ZNF496: variants seen among roughly 807,000 people sequenced by gnomAD.
ZNF496 encodes zinc finger protein 496.
Under a neutral mutation model 58.9 loss-of-function variants are expected in ZNF496, and 11 were observed. The ratio of observed to expected loss-of-function variants is 0.19; its 90% CI spans 0.12 to 0.31. The LOEUF (loss-of-function observed/expected upper bound fraction) is 0.31, where lower values mean the gene tolerates loss of function less well. ZNF496 is among the 10% of genes least tolerant of loss of function. The pLI, the probability that ZNF496 is intolerant of heterozygous loss-of-function variation, is 1.00. For synonymous variants in ZNF496, 338 were observed against 318.2 expected, an observed-to-expected ratio of 1.06 and a Z score of -0.66; for missense variants, 660 against 783.0, an observed-to-expected ratio of 0.84 and a Z score of 1.88.
chr1:247,322,885 C>T, intron 6 of ZNF496: 2 of 955,898 alleles, frequency 2.1e-6, no homozygotes, highest in East Asian at 3.5e-5. Flanking sequence ...TCAATGGGGA[C>T]TCATGGGCCT....
At position 247,328,683 on chromosome 1, in the gene ZNF496, C is replaced by T; in HGVS notation, c.574G>A (p.Val192Ile). 1 of 1,580,070 alleles carries T rather than the reference C, an allele frequency of 6.3e-7. No homozygotes were observed. The highest frequency in any genetic ancestry group is 8.6e-7 in the Non-Finnish European group (1 of 1,162,928). The change falls in exon 5 of 10, where the codon GTT becomes ATT. Residue 192 changes from valine (V) to isoleucine (I), a missense_variant and splice_region_variant. Physicochemically the swap from Val to Ile is conservative, Grantham distance 29. Transcript: ENST00000682384. ...TGCTACACTCCCCTGGGCTGCATAC[C>T]TGGGTCCCCGCTGAGCTGGCTTGGT... ...RPPSQLSGDP[V>I]LQDAFLLQEE...
chr1:247,320,290 C>T (rs1003095697), intron 6 of ZNF496, among the ~76,000 whole-genome samples: 6 of 152,208 alleles, frequency 3.9e-5, no homozygotes, highest in East Asian at 3.8e-4. Context: ...GAATACTACT[C>T]AGCAACGAAA....
At chr1:247,310,625 C>T in intron 6 of ZNF496, 169 bp from the exon 7 acceptor site, 1 of 820,344 alleles carries the variant, frequency 1.2e-6, no homozygotes, top group Non-Finnish European at 1.9e-6. Context: ...AAGGTGCCAG[C>T]AGGCTGGGTG....
intron 6 of ZNF496, among the ~76,000 whole-genome samples, chr1:247,321,514 CTA>C (rs1659962714): frequency 6.6e-6 from 1 of 152,112 alleles, no homozygotes; most frequent in Non-Finnish European, 1.5e-5. Flanking sequence ...AAATTTTACG[CTA>C]TGTGTATATT....
chr1:247,326,036 G>A (rs1188848682), intron 5 of ZNF496, among the ~76,000 whole-genome samples: 12 of 95,550 alleles, frequency 1.3e-4, no homozygotes, highest in East Asian at 2.9e-4. Context: ...ATATACACAC[G>A]CATATATATA....
chr1:247,328,768 T>C lies in ZNF496; in HGVS notation c.489A>G (p.Ala163=). 6.2e-7 allele frequency: 1 copy of C among 1,613,830 alleles called. No homozygotes were observed. Among genetic ancestry groups the C allele is most frequent in the South Asian group, 1.1e-5 (1 of 91,040 alleles). The change falls in exon 5 of 10, where the codon GCA becomes GCG. Residue 163 remains alanine, a synonymous_variant. Transcript: ENST00000682384. The part of the protein sequence containing the change: ...QLPVEPHSDL[A]KNQDAQPITL... The stretch of plus-strand genomic sequence containing the variant: ...TTATGGGCTGGGCATCCTGGTTCTT[T>C]GCAAGGTCGCTGTGGGGCTCTACCG...
rs1457890943 is a variant in ZNF496, at chr1:247,323,242, C to A, written c.575-12G>T. On this transcript the variant is annotated splice_polypyrimidine_tract_variant and intron_variant, in intron 5 of 9. Transcript: ENST00000682384. ...AGCATCTTGCAGAACTGAAAGAGAT[C>A]AGAAAATGGTGTCCTAAAGTGGGCC... The A allele has an allele frequency of 6.2e-7, 1 of 1,612,590 alleles. No individual in the cohort carries two copies. Among genetic ancestry groups the A allele is most frequent in the Admixed American group, 1.7e-5 (1 of 59,984 alleles).
intron 9 of ZNF496, among the ~76,000 whole-genome samples, chr1:247,304,230 G>A (rs1659334428): frequency 6.6e-6 from 1 of 152,208 alleles, no homozygotes; most frequent in Admixed American, 6.5e-5. Context: ...CATGGGACCA[G>A]AGAGTACAGG....
Position 247,309,771 on chromosome 1 carries a change from C to G in ZNF496, c.820G>C (p.Glu274Gln). The G allele has an allele frequency of 1.2e-6, 2 of 1,614,226 alleles. No homozygotes were observed. The highest frequency in any genetic ancestry group is 1.7e-6 in the Non-Finnish European group (2 of 1,180,046). The change falls in exon 8 of 10, where the codon GAG becomes CAG. Residue 274 changes from glutamate (E) to glutamine (Q), a missense_variant. Physicochemically the swap from Glu to Gln is conservative, Grantham distance 29. Transcript: ENST00000682384. This position sits in a 1 kb window ranked among gnomAD's most constrained non-coding sequence, Gnocchi z 4.3. The stretch of plus-strand genomic sequence containing the variant: ...TCTGGAACGCGTGGCTCATTCTCCT[C>G]TCCCTGGGAGAGATCTGGCTGGGCA... ...LAAQPDLSQG[E>Q]ENEPRVPELQ...
chr1:247,327,755 C>G (rs1660182818), intron 5 of ZNF496, among the ~76,000 whole-genome samples: 1 of 137,838 alleles, frequency 7.3e-6, no homozygotes, highest in East Asian at 2.0e-4. Flanking sequence ...CAGACACTCT[C>G]TTTCCATTGT....
At chr1:247,321,677 C>T (rs1659968624) in intron 6 of ZNF496, among the ~76,000 whole-genome samples, 1 of 152,212 alleles carries the variant, frequency 6.6e-6, no homozygotes, top group South Asian at 2.1e-4. Context: ...ACTGTGCTCG[C>T]TATGGCATTT....
chr1:247,316,550 G>A (rs1349382071), intron 6 of ZNF496, among the ~76,000 whole-genome samples: 1 of 152,064 alleles, frequency 6.6e-6, no homozygotes, highest in Non-Finnish European at 1.5e-5. Context: ...CCCACCTCGG[G>A]ACACCACAGA....
At chr1:247,324,079 GAA>G (rs61548661) in intron 5 of ZNF496, among the ~76,000 whole-genome samples, 9 of 88,234 alleles carry the variant, frequency 1.0e-4, no homozygotes, top group Non-Finnish European at 1.5e-4. Flanking sequence ...TGTCTCAAAT[GAA>G]AAAAAAAAAA....
At chr1:247,331,028 G>T (rs1347176033) in intron 2 of ZNF496, among the ~76,000 whole-genome samples, 1 of 152,160 alleles carries the variant, frequency 6.6e-6, no homozygotes. Flanking sequence ...TCTGGAGCCC[G>T]GGGTGGGCCC....
intron 6 of ZNF496, 45 bp downstream of exon 6, chr1:247,323,109 G>A (rs200724874): frequency 2.2e-5 from 33 of 1,530,426 alleles, no homozygotes; most frequent in Non-Finnish European, 3.0e-5. Context: ...GTAGCCTACA[G>A]AGGCAAACAG....
chr1:247,320,854 T>C (rs140246670), intron 6 of ZNF496, among the ~76,000 whole-genome samples: 12 of 152,180 alleles, frequency 7.9e-5, no homozygotes, highest in Middle Eastern at 3.4e-3. Flanking sequence ...TATACACACA[T>C]GGGAGTATTA....
At chr1:247,316,711 G>A (rs1572084589) in intron 6 of ZNF496, among the ~76,000 whole-genome samples, 1 of 152,148 alleles carries the variant, frequency 6.6e-6, no homozygotes, top group East Asian at 1.9e-4. Context: ...AGACAGTCAA[G>A]GCATCACAGA....
intron 5 of ZNF496, among the ~76,000 whole-genome samples, chr1:247,327,859 G>A (rs182722406): frequency 2.1e-4 from 32 of 150,486 alleles, no homozygotes; most frequent in South Asian, 8.5e-4. Flanking sequence ...ATAAAGCACC[G>A]TGGCAAGTCC....
chr1:247,314,249 G>T lies in ZNF496; in HGVS notation c.652-3793C>A, dbSNP rs944198758. 6.6e-5 allele frequency among the ~76,000 whole-genome samples: 10 copies of T among 152,026 alleles called. No homozygotes were observed. In the South Asian group the frequency reaches 1.5e-3, roughly 22 times the overall value. On this transcript the variant is annotated intron_variant, in intron 6 of 9. Transcript: ENST00000682384. Reference sequence around the variant, plus strand: ...AATTTTTTATTTTTGTAAAGATGAGGTCTTGCTATGTTACTCAAGCTGGTC... The same window carrying T: ...AATTTTTTATTTTTGTAAAGATGAGTTCTTGCTATGTTACTCAAGCTGGTC...
Sources: allele counts gnomAD v4.1 joint callset (sites outside exome capture counted in the v4.1 genomes callset), GRCh38; gene constraint gnomAD v4.1.1; non-coding constraint Gnocchi (gnomAD v3.1); transcripts MANE v1.5; gene names NCBI Gene and HGNC (gene_info 2026-07-23, HGNC 2026-07-21).